The following CSMD1 variants were observed in gnomAD, a reference collection of about 807,000 sequenced individuals.
The protein encoded by CSMD1 is CUB and sushi domain-containing protein 1.
In CSMD1, 213 loss-of-function variants were observed where a neutral mutation model predicts 417.5. The ratio of observed to expected loss-of-function variants is 0.51; its 90% confidence interval spans 0.46 to 0.57. The LOEUF (loss-of-function observed/expected upper bound fraction) is 0.57. Among genes scored for constraint, CSMD1 ranks in the 20% least tolerant of loss-of-function variants. The pLI is 0.00. For synonymous variants in CSMD1, 2,862 were observed against 1,736.8 expected (o/e 1.65, Z -16.11); for missense variants, 6,923 against 4,529.7 (o/e 1.53, Z -15.17).
chr8:4,143,559 T>G (rs1480922528), intron 3 of CSMD1, among the ~76,000 whole-genome samples: 40 of 151,110 alleles, frequency 2.6e-4, no homozygotes, highest in Admixed American at 6.6e-4. Flanking sequence ...CTTGTAAGGC[T>G]TAGATATGAC....
At chr8:3,153,236 G>C (rs144699302) in intron 39 of CSMD1, among the ~76,000 whole-genome samples, 1 of 152,148 alleles carries the variant, frequency 6.6e-6, no homozygotes, top group African/African-American at 2.4e-5. Flanking sequence ...CCACGGCAAC[G>C]TCAGGAACTT....
intron 5 of CSMD1, among the ~76,000 whole-genome samples, chr8:3,904,410 T>C (rs781000108): frequency 1.3e-5 from 2 of 152,084 alleles, no homozygotes; most frequent in Non-Finnish European, 2.9e-5. Context: ...TGGACCTATG[T>C]TAGTGCTTCT....
intron 12 of CSMD1, among the ~76,000 whole-genome samples, chr8:3,427,676 C>G (rs1313525776): frequency 6.6e-6 from 1 of 152,142 alleles, no homozygotes; most frequent in Non-Finnish European, 1.5e-5. Flanking sequence ...TCTGTTAACT[C>G]ACTTTATCCC....
chr8:4,008,552 G>A (rs138593746), intron 4 of CSMD1, among the ~76,000 whole-genome samples: 1 of 125,792 alleles, frequency 7.9e-6, no homozygotes, highest in Non-Finnish European at 1.7e-5. Context: ...ATACTTGATT[G>A]TTAAAGTTAG....
At chr8:3,819,674 A>C (rs117843377) in intron 5 of CSMD1, among the ~76,000 whole-genome samples, 3,541 of 152,198 alleles carry the variant, frequency 0.023, 51 homozygotes, top group African/African-American at 0.038. Context: ...GCCTTGGCCT[A>C]CTGGGGGTCT....
intron 1 of CSMD1, among the ~76,000 whole-genome samples, chr8:4,654,232 G>A (rs1468900971): frequency 1.5e-4 from 23 of 152,018 alleles, no homozygotes; most frequent in Admixed American, 1.5e-3. Context: ...TCTAAAATAT[G>A]TCTCAGGAAT....
At chr8:3,495,571 C>T (rs1796330929) in intron 10 of CSMD1, among the ~76,000 whole-genome samples, 1 of 152,242 alleles carries the variant, frequency 6.6e-6, no homozygotes, top group African/African-American at 2.4e-5. Context: ...TTACTCCACG[C>T]TGCTGATGCT....
chr8:4,568,508 T>C (rs1468526503), intron 2 of CSMD1, among the ~76,000 whole-genome samples: 2 of 152,200 alleles, frequency 1.3e-5, no homozygotes, highest in African/African-American at 2.4e-5. Flanking sequence ...ATTTTCTTTA[T>C]CCAGTCTATC....
At chr8:4,728,029 TA>T (rs1253801349) in intron 1 of CSMD1, among the ~76,000 whole-genome samples, 2 of 146,214 alleles carry the variant, frequency 1.4e-5, no homozygotes, top group Non-Finnish European at 3.0e-5. Context: ...ATATTTTTTC[TA>T]TTTTTTTGGT....
At position 3,488,360 on chromosome 8, in the gene CSMD1, G is replaced by T. The variant is rs565856578; in HGVS notation, c.1448+5263C>A. ...TGGCCTCAAGTATTTCTCCCTCCTC[G>T]GCTTCCCAAAGTTCCGGGATTATAG... On this transcript the variant is annotated intron_variant, in intron 11 of 69. Transcript: ENST00000635120. 1.0e-3 allele frequency among the ~76,000 whole-genome samples: 156 copies of T among 151,996 alleles called. 1 individual carries two copies. The highest frequency in any genetic ancestry group is 3.4e-3 in the African/African-American group (142 of 41,448).
chr8:3,900,895 G>T (rs568103919), intron 5 of CSMD1, among the ~76,000 whole-genome samples: 1 of 152,332 alleles, frequency 6.6e-6, no homozygotes, highest in South Asian at 2.1e-4. Flanking sequence ...GCGTTTGCTT[G>T]ATCTGAGTCC....
intron 7 of CSMD1, among the ~76,000 whole-genome samples, chr8:3,652,396 A>C (rs1288219954): frequency 6.6e-6 from 1 of 152,186 alleles, no homozygotes; most frequent in Non-Finnish European, 1.5e-5. Context: ...CATCACAAAT[A>C]CGTTGACTTG....
At chr8:3,642,649 C>T (rs558246224) in intron 7 of CSMD1, among the ~76,000 whole-genome samples, 3 of 151,852 alleles carry the variant, frequency 2.0e-5, no homozygotes, top group Non-Finnish European at 1.5e-5. Context: ...AACGGACGGT[C>T]GATGGAGAGA....
At chr8:4,389,087 G>A (rs530224616) in intron 3 of CSMD1, among the ~76,000 whole-genome samples, 4 of 152,228 alleles carry the variant, frequency 2.6e-5, no homozygotes, top group South Asian at 4.1e-4. Flanking sequence ...TACATTATAG[G>A]AATGTTTCCA....
intron 1 of CSMD1, among the ~76,000 whole-genome samples, chr8:4,735,365 C>T (rs1368842179): frequency 6.6e-6 from 1 of 152,146 alleles, no homozygotes; most frequent in Non-Finnish European, 1.5e-5. Flanking sequence ...TGTTGCCAAG[C>T]CCATTGTCTT....
At chr8:4,685,524 C>T (rs1377617437) in intron 1 of CSMD1, among the ~76,000 whole-genome samples, 1 of 151,780 alleles carries the variant, frequency 6.6e-6, no homozygotes, top group Non-Finnish European at 1.5e-5. Flanking sequence ...TGCAGTGAGT[C>T]GAGATCACAC....
intron 12 of CSMD1, among the ~76,000 whole-genome samples, chr8:3,449,562 G>A (rs1417696883): frequency 6.6e-6 from 1 of 151,626 alleles, no homozygotes; most frequent in African/African-American, 2.4e-5. Context: ...TTGTTGCCCA[G>A]GCTGGAGTGC....
Position 3,106,616 on chromosome 8 carries a change from G to A in CSMD1, c.6861C>T (p.His2287=), listed in dbSNP as rs200938659. Residue 2287 remains histidine (H), a synonymous_variant, in exon 46 of 70, where the codon CAC becomes CAT. Transcript: ENST00000635120. ...CGGTCCCCACCAAGGTGTACCCGGG[G>A]TGGCACTGGTACTTCACAAAATCTC... ...EIGDFVKYQC[H]PGYTLVGTDI... 4.3e-6 allele frequency: 7 copies of A among 1,613,348 alleles called. No individual in the cohort carries two copies. The South Asian group carries it at 6.6e-5, about 15-fold the overall frequency.
chr8:4,457,804 C>A (rs1394415716), intron 2 of CSMD1, among the ~76,000 whole-genome samples: 4 of 152,162 alleles, frequency 2.6e-5, no homozygotes, highest in African/African-American at 9.7e-5. Flanking sequence ...TAGCTGGCTT[C>A]TCACCACCTC....
Sources: gnomAD v4.1 joint callset for allele counts (sites outside exome capture counted in the v4.1 genomes callset) on GRCh38, gnomAD v4.1.1 for gene constraint, MANE v1.5 for transcripts, NCBI Gene and HGNC (gene_info 2026-07-23, HGNC 2026-07-21) for gene names.